The following TTC7A variants were observed in gnomAD, a reference collection of about 807,000 sequenced individuals.
The protein encoded by TTC7A is tetratricopeptide repeat protein 7A.
A neutral mutation model predicts 103.7 loss-of-function variants in TTC7A; 110 were observed. That is an observed-to-expected ratio of 1.06 (90% CI 0.91 to 1.24). The LOEUF (loss-of-function observed/expected upper bound fraction) is 1.24, where lower values mean the gene tolerates loss of function less well. TTC7A is among the 50% of genes most tolerant of loss of function. The pLI, the probability that TTC7A is intolerant of heterozygous loss-of-function variation, is 0.00. For synonymous variants in TTC7A, 521 were observed against 467.9 expected (o/e 1.11, Z -1.47); for missense variants, 1,340 against 1,116.3 (o/e 1.20, Z -2.86).
intron 18 of TTC7A, among the ~76,000 whole-genome samples, chr2:47,053,761 G>C (rs933919330): frequency 6.6e-6 from 1 of 152,164 alleles, no homozygotes; most frequent in Non-Finnish European, 1.5e-5. Context: ...TTTTAGTACA[G>C]ACAGGGTTTC....
chr2:46,917,734 A>C (rs1277483140), intron 2 of TTC7A, among the ~76,000 whole-genome samples: 5 of 152,140 alleles, frequency 3.3e-5, no homozygotes, highest in African/African-American at 1.2e-4. Flanking sequence ...TGAAACTGCA[A>C]TCTCCATGCA....
At chr2:46,967,213 A>C (rs1429179757) in intron 3 of TTC7A, among the ~76,000 whole-genome samples, 1 of 149,832 alleles carries the variant, frequency 6.7e-6, no homozygotes, top group Non-Finnish European at 1.5e-5. Context: ...ATTCCGTCTC[A>C]AAAAAAAAAT....
rs569845255 is a variant in TTC7A at position 47,007,045 on chromosome 2, T to TC, written c.1287+323dup. On this transcript the variant is annotated intron_variant, in intron 10 of 19. Transcript: ENST00000319190. This position sits in a 1 kb window ranked among gnomAD's most constrained non-coding sequence, Gnocchi z 4.9. ...CTGCATGTGGTGGATATGAGGTGCA[T>TC]CCAGGTGAGTGAACATTGTTCCACG... Among the ~76,000 whole-genome samples the TC allele has an allele frequency of 4.4e-4, 67 of 152,264 alleles. 1 individual carries two copies. In the East Asian group the frequency reaches 0.013, roughly 29 times the overall value.
chr2:46,968,617 C>G (rs978572230), intron 3 of TTC7A, among the ~76,000 whole-genome samples: 15 of 152,180 alleles, frequency 9.9e-5, no homozygotes, highest in Non-Finnish European at 2.2e-4. Context: ...GCTCCAGAAA[C>G]TTTTTGGCCC....
intron 15 of TTC7A, among the ~76,000 whole-genome samples, chr2:47,030,041 G>T (rs993129409): frequency 7.0e-6 from 1 of 143,770 alleles, no homozygotes; most frequent in African/African-American, 2.7e-5. Context: ...GGGGAGTCTT[G>T]ATTTCTGCCT....
chr2:47,056,197 C>T (rs942746422), intron 18 of TTC7A, among the ~76,000 whole-genome samples: 2 of 152,228 alleles, frequency 1.3e-5, no homozygotes, highest in African/African-American at 2.4e-5. Flanking sequence ...TCTTCACTCT[C>T]CTTCCTCCCT....
intron 10 of TTC7A, among the ~76,000 whole-genome samples, chr2:47,010,889 G>A (rs1269110013): frequency 2.0e-5 from 3 of 152,058 alleles, no homozygotes; most frequent in Non-Finnish European, 2.9e-5. Flanking sequence ...TAGTAGAGAC[G>A]GGGTTTCACC....
chr2:46,956,716 C>T, intron 2 of TTC7A, 123 bp from the exon 3 acceptor site: 1 of 997,954 alleles, frequency 1.0e-6, no homozygotes, highest in Non-Finnish European at 1.6e-6. Flanking sequence ...TCAAAGAAGG[C>T]TTTCTGGAGG....
chr2:46,916,217 A>G, exon 1 of TTC7A: 3 of 952,484 alleles, frequency 3.1e-6, no homozygotes, highest in Non-Finnish European at 3.8e-6. Context: ...TTGGGAAGAA[A>G]GATAATAGGA....
At chr2:46,964,182 C>T (rs1184909513) in intron 3 of TTC7A, among the ~76,000 whole-genome samples, 1 of 152,212 alleles carries the variant, frequency 6.6e-6, no homozygotes, top group African/African-American at 2.4e-5. Flanking sequence ...GTTGTGGGGC[C>T]TTCACAGGCG....
At chr2:46,959,745 G>A (rs1212555736) in intron 3 of TTC7A, among the ~76,000 whole-genome samples, 1 of 152,200 alleles carries the variant, frequency 6.6e-6, no homozygotes, top group African/African-American at 2.4e-5. Context: ...TACACCCAAA[G>A]ATGCTTTCTG....
chr2:46,934,295 G>GTC, intron 2 of TTC7A, among the ~76,000 whole-genome samples: 1 of 152,320 alleles, frequency 6.6e-6, no homozygotes, highest in Non-Finnish European at 1.5e-5. Flanking sequence ...GTCTTGCTCT[G>GTC]TTGCTCAGGC....
At chr2:46,964,416 C>T (rs1157984819) in intron 3 of TTC7A, among the ~76,000 whole-genome samples, 6 of 152,082 alleles carry the variant, frequency 3.9e-5, no homozygotes, top group Admixed American at 1.3e-4. Flanking sequence ...GGGCCCAGAG[C>T]GGAGAGCCCA....
intron 15 of TTC7A, among the ~76,000 whole-genome samples, chr2:47,039,359 G>A (rs1293161154): frequency 6.6e-6 from 1 of 152,174 alleles, no homozygotes; most frequent in African/African-American, 2.4e-5. Context: ...GTGTGTTTCC[G>A]TGCAGCCAGC....
At chr2:46,977,335 A>G (rs1398697030) in intron 4 of TTC7A, among the ~76,000 whole-genome samples, 1 of 152,224 alleles carries the variant, frequency 6.6e-6, no homozygotes, top group Non-Finnish European at 1.5e-5. Flanking sequence ...CTGAGGAACT[A>G]AGACCTTCTC....
At chr2:47,006,830 C>G in intron 10 of TTC7A, 106 bp downstream of exon 10, 1 of 926,570 alleles carries the variant, frequency 1.1e-6, no homozygotes, top group Admixed American at 1.9e-5. Context: ...TATTATCCTG[C>G]CGCTGGTTTG....
At chr2:46,971,013 CAAT>C (rs1673307188) in intron 3 of TTC7A, among the ~76,000 whole-genome samples, 1 of 152,224 alleles carries the variant, frequency 6.6e-6, no homozygotes. Flanking sequence ...CTAAGAAAAA[CAAT>C]AATAATTCCT....
chr2:46,967,969 G>C (rs923241358), intron 3 of TTC7A, among the ~76,000 whole-genome samples: 4 of 152,098 alleles, frequency 2.6e-5, no homozygotes, highest in Non-Finnish European at 5.9e-5. Flanking sequence ...GGGTGCTGCA[G>C]CTGTCCTCGT....
chr2:46,941,797 C>T lies in TTC7A; in HGVS notation c.184+72C>T, dbSNP rs577669503. 1 of 1,533,794 alleles carries T rather than the reference C, an allele frequency of 6.5e-7. No individual in the cohort carries two copies. Among genetic ancestry groups the T allele is most frequent in the Admixed American group, 2.0e-5 (1 of 50,562 alleles). ...GCACCGCCTCCTCCAGGAAGCGCGC[C>T]CAGACAGTCCTCGGCCGACAGCGGG... On this transcript the variant is annotated intron_variant, in intron 1 of 19. Transcript: ENST00000319190. This position sits in a 1 kb window ranked among gnomAD's most constrained non-coding sequence, Gnocchi z 4.2.
Sources: allele counts gnomAD v4.1 joint callset (sites outside exome capture counted in the v4.1 genomes callset), GRCh38; gene constraint gnomAD v4.1.1; non-coding constraint Gnocchi (gnomAD v3.1); transcripts MANE v1.5; gene names NCBI Gene and HGNC (gene_info 2026-07-23, HGNC 2026-07-21).